RGS5: variants seen among roughly 807,000 people sequenced by gnomAD.
The protein encoded by RGS5 is regulator of G protein signaling 5.
RGS5 carries 20 observed loss-of-function variants against 18.9 expected under a neutral mutation model. The observed-to-expected ratio is 1.06, with a 90% CI of 0.74 to 1.54. The LOEUF (loss-of-function observed/expected upper bound fraction) is 1.54. Among genes scored for constraint, RGS5 ranks in the 40% most tolerant of loss-of-function variants. The pLI, the probability that RGS5 is intolerant of heterozygous loss-of-function variation, is 0.00. For missense variants in RGS5, 201 were observed against 211.8 expected (o/e 0.95, Z 0.32); for synonymous variants, 57 against 76.2 (o/e 0.75, Z 1.31).
At chr1:163,238,714 G>T in intron 2 of RGS5, 1 of 261,574 alleles carries the variant, frequency 3.8e-6, no homozygotes, top group South Asian at 7.9e-5. Context: ...CCTTATCCAT[G>T]ATCTTGATGT....
chr1:163,316,240 G>A (rs1476524877), intron 1 of RGS5, among the ~76,000 whole-genome samples: 1 of 152,208 alleles, frequency 6.6e-6, no homozygotes, highest in Non-Finnish European at 1.5e-5. Context: ...AATGTTGGCT[G>A]ATAGGAGAGA....
chr1:163,160,688 A>G (rs1657764361), intron 3 of RGS5, among the ~76,000 whole-genome samples: 1 of 152,194 alleles, frequency 6.6e-6, no homozygotes, highest in Non-Finnish European at 1.5e-5. Flanking sequence ...TTCAACATAT[A>G]TTCTTTGTCA....
At chr1:163,316,560 G>A (rs1650028193) in intron 1 of RGS5, among the ~76,000 whole-genome samples, 1 of 148,472 alleles carries the variant, frequency 6.7e-6, no homozygotes. Flanking sequence ...CACCAGCCTG[G>A]GCAACACAGT....
chr1:163,279,966 A>G (rs1394875604), intron 2 of RGS5, among the ~76,000 whole-genome samples: 1 of 152,166 alleles, frequency 6.6e-6, no homozygotes, highest in Non-Finnish European at 1.5e-5. Flanking sequence ...GTAGAAATAG[A>G]AATTCTGAAC....
intron 2 of RGS5, among the ~76,000 whole-genome samples, chr1:163,293,276 CTTAA>C (rs979756080): frequency 3.2e-4 from 49 of 152,260 alleles, no homozygotes; most frequent in African/African-American, 1.1e-3. Context: ...ATAAAAGAGG[CTTAA>C]TTGACTCACA....
rs376779094 is a variant in RGS5 at position 163,142,945 on chromosome 1, C to G, written c.*4397G>C. 5 of 152,246 alleles carry G rather than the reference C, an allele frequency of 3.3e-5. No individual in the cohort carries two copies. The highest frequency in any genetic ancestry group is 1.2e-4 in the African/African-American group (5 of 41,548). 9.4% of individuals were successfully genotyped at this position (152,246 alleles called of 1,614,324 possible). A position where few individuals can be genotyped will look rare whatever the true frequency, so the allele number is the denominator to read the frequency against. ...AAAATAATAAGATGTATTATTAAAA[C>G]GTGAGTTGAGAATAATATTCCAAAT... On this transcript the variant is annotated 3_prime_UTR_variant, in exon 5 of 5. Transcript: ENST00000313961.
intron 2 of RGS5, among the ~76,000 whole-genome samples, chr1:163,289,662 T>C (rs1020641350): frequency 6.6e-6 from 1 of 152,154 alleles, no homozygotes; most frequent in African/African-American, 2.4e-5. Flanking sequence ...AATGCTATGT[T>C]TGGGTTAATT....
At chr1:163,239,649 G>T (rs1035153962) in intron 2 of RGS5, among the ~76,000 whole-genome samples, 3 of 152,184 alleles carry the variant, frequency 2.0e-5, no homozygotes, top group African/African-American at 7.2e-5. Flanking sequence ...CAGAATAAAA[G>T]CCAGCTTAAA....
intron 2 of RGS5, among the ~76,000 whole-genome samples, chr1:163,302,197 G>C (rs1649571403): frequency 6.6e-6 from 1 of 152,150 alleles, no homozygotes; most frequent in African/African-American, 2.4e-5. Flanking sequence ...GTGGCAATTA[G>C]TCTTTAGTGA....
rs1363953496 is a variant in RGS5, at chr1:163,144,209, A to T, written c.*3133T>A. The T allele has an allele frequency of 6.6e-6, 1 of 152,128 alleles. No homozygotes were observed. The highest frequency in any genetic ancestry group is 2.4e-5 in the African/African-American group (1 of 41,448). 9.4% of individuals were successfully genotyped at this position (152,128 alleles called of 1,614,324 possible). ...AAAAGGTGTCTACCTGAAAGAAACA[A>T]AAAGTGTGTGTGTGTATGTGTGGCG... On this transcript the variant is annotated 3_prime_UTR_variant, in exon 5 of 5. Transcript: ENST00000313961.
chr1:163,298,469 C>T (rs1031767868), intron 2 of RGS5, among the ~76,000 whole-genome samples: 1 of 151,932 alleles, frequency 6.6e-6, no homozygotes, highest in Non-Finnish European at 1.5e-5. Context: ...GCATCCTGAG[C>T]TAAAGAAAGG....
chr1:163,293,179 G>A (rs781388955), intron 2 of RGS5, among the ~76,000 whole-genome samples: 15 of 152,026 alleles, frequency 9.9e-5, no homozygotes, highest in Non-Finnish European at 4.4e-5. Context: ...ATCCATCTCA[G>A]GTTGAGTTTT....
At chr1:163,151,919 T>A (rs1203252956) in intron 4 of RGS5, among the ~76,000 whole-genome samples, 2 of 152,188 alleles carry the variant, frequency 1.3e-5, no homozygotes, top group Non-Finnish European at 2.9e-5. Flanking sequence ...AGATAAGATA[T>A]CTTAATATGA....
intron 2 of RGS5, among the ~76,000 whole-genome samples, chr1:163,261,563 C>T (rs1299004067): frequency 1.3e-5 from 2 of 152,186 alleles, no homozygotes; most frequent in African/African-American, 4.8e-5. Flanking sequence ...CAACAACTCC[C>T]TTCTAGTACC....
At chr1:163,215,424 C>T (rs1007172609) in intron 1 of RGS5, among the ~76,000 whole-genome samples, 1 of 152,164 alleles carries the variant, frequency 6.6e-6, no homozygotes, top group African/African-American at 2.4e-5. Context: ...AATGATTTAA[C>T]TTATCTAAAG....
intron 2 of RGS5, among the ~76,000 whole-genome samples, chr1:163,264,544 C>T (rs1648529480): frequency 6.6e-6 from 1 of 152,154 alleles, no homozygotes; most frequent in Admixed American, 6.6e-5. Flanking sequence ...TCTGTCCCAA[C>T]TCCTGCCAAG....
At chr1:163,226,031 C>T (rs1045721952) in intron 2 of RGS5, among the ~76,000 whole-genome samples, 4 of 151,948 alleles carry the variant, frequency 2.6e-5, no homozygotes, top group South Asian at 2.1e-4. Context: ...AAGTATTCTC[C>T]TGCCTCAGCC....
At chr1:163,234,166 TAGAG>T (rs1647558441) in intron 2 of RGS5, among the ~76,000 whole-genome samples, 2 of 152,248 alleles carry the variant, frequency 1.3e-5, no homozygotes, top group Non-Finnish European at 2.9e-5. Flanking sequence ...TTTTTGATTT[TAGAG>T]AGAATGCATT....
At chr1:163,273,489 T>C (rs926917368) in intron 2 of RGS5, among the ~76,000 whole-genome samples, 3 of 152,164 alleles carry the variant, frequency 2.0e-5, no homozygotes, top group Non-Finnish European at 4.4e-5. Context: ...CTAGTATATT[T>C]TAACTTCAGA....
Sources: gnomAD v4.1 joint callset for allele counts (sites outside exome capture counted in the v4.1 genomes callset) on GRCh38, gnomAD v4.1.1 for gene constraint, MANE v1.5 for transcripts, NCBI Gene and HGNC (gene_info 2026-07-23, HGNC 2026-07-21) for gene names.